ASIC2: variants seen among roughly 807,000 people sequenced by gnomAD.
The protein encoded by ASIC2 is acid-sensing ion channel 2.
Under a neutral mutation model 57.3 loss-of-function variants are expected in ASIC2, and 25 were observed. That is an observed-to-expected ratio of 0.44 (90% CI 0.32 to 0.61). ASIC2 has a LOEUF of 0.61. ASIC2 is among the 20% of genes least tolerant of loss of function. The pLI, the probability that ASIC2 is intolerant of heterozygous loss-of-function variation, is 0.06. For synonymous variants in ASIC2, 319 were observed against 307.5 expected (o/e 1.04, Z -0.39); for missense variants, 641 against 738.1 (o/e 0.87, Z 1.52).
chr17:33,274,434 G>C (rs1198604739), intron 1 of ASIC2, among the ~76,000 whole-genome samples: 1 of 152,196 alleles, frequency 6.6e-6, no homozygotes, highest in Non-Finnish European at 1.5e-5. Flanking sequence ...ACATTCACTG[G>C]TAAGAGGAAA....
intron 1 of ASIC2, among the ~76,000 whole-genome samples, chr17:34,009,372 G>A (rs1393204014): frequency 6.6e-6 from 1 of 152,172 alleles, no homozygotes; most frequent in Non-Finnish European, 1.5e-5. Context: ...CGCCTGCAGT[G>A]TGGCAGGTCT....
chr17:33,839,455 G>T (rs995498054), intron 1 of ASIC2, among the ~76,000 whole-genome samples: 1 of 152,152 alleles, frequency 6.6e-6, no homozygotes, highest in African/African-American at 2.4e-5. Flanking sequence ...CACCCATTGT[G>T]GCAGTCATTT....
chr17:33,450,264 T>C (rs12450545), intron 1 of ASIC2, among the ~76,000 whole-genome samples: 29,555 of 152,156 alleles, frequency 0.19, 2,959 homozygotes, highest in East Asian at 0.25. Context: ...ACCATTGTTG[T>C]AAAATGGTAG....
intron 1 of ASIC2, among the ~76,000 whole-genome samples, chr17:34,062,641 GAA>G (rs920230228): frequency 1.3e-5 from 2 of 152,010 alleles, no homozygotes; most frequent in Non-Finnish European, 2.9e-5. Flanking sequence ...ACCAAGAAAA[GAA>G]TAGAGTAAAT....
chr17:34,043,540 CA>C (rs1206603051), intron 1 of ASIC2, among the ~76,000 whole-genome samples: 1 of 152,112 alleles, frequency 6.6e-6, no homozygotes, highest in Non-Finnish European at 1.5e-5. Flanking sequence ...TAAAACCTTC[CA>C]TTTGTTTAGT....
chr17:33,719,515 C>A (rs2142082432), intron 1 of ASIC2, among the ~76,000 whole-genome samples: 1 of 152,340 alleles, frequency 6.6e-6, no homozygotes, highest in African/African-American at 2.4e-5. Flanking sequence ...TCTTAATATA[C>A]TCACTTTGTT....
At chr17:33,954,786 C>T (rs12604021) in intron 1 of ASIC2, among the ~76,000 whole-genome samples, 106,814 of 152,088 alleles carry the variant, frequency 0.7, 37,518 homozygotes, top group African/African-American at 0.71. Context: ...CTTTCTTTCA[C>T]ACAACATTCA....
At chr17:33,437,025 C>G (rs1324277160) in intron 1 of ASIC2, among the ~76,000 whole-genome samples, 1 of 150,228 alleles carries the variant, frequency 6.7e-6, no homozygotes, top group Non-Finnish European at 1.5e-5. Context: ...GCTACCACGC[C>G]CGGCTAATTT....
chr17:33,539,526 A>G (rs1915339861), intron 1 of ASIC2, among the ~76,000 whole-genome samples: 1 of 152,268 alleles, frequency 6.6e-6, no homozygotes, highest in Non-Finnish European at 1.5e-5. Context: ...CCTGTTTGCC[A>G]GGGAAACATG....
intron 1 of ASIC2, among the ~76,000 whole-genome samples, chr17:33,661,687 G>GA (rs1431238827): frequency 1.3e-5 from 2 of 152,240 alleles, no homozygotes; most frequent in Non-Finnish European, 2.9e-5. Context: ...GAAATAGTTT[G>GA]AAGGCTGGGA....
intron 1 of ASIC2, among the ~76,000 whole-genome samples, chr17:33,706,198 A>G (rs1053488983): frequency 2.8e-5 from 3 of 108,396 alleles, no homozygotes; most frequent in African/African-American, 1.2e-4. Context: ...CTATACATAT[A>G]TGATTCATAT....
intron 1 of ASIC2, among the ~76,000 whole-genome samples, chr17:33,949,232 G>A (rs185822755): frequency 1.2e-4 from 18 of 152,254 alleles, no homozygotes; most frequent in African/African-American, 3.6e-4. Flanking sequence ...AAGTGATTGT[G>A]CCATGTCTTT....
chr17:33,505,781 AC>A (rs1482632729), intron 1 of ASIC2, among the ~76,000 whole-genome samples: 1 of 152,130 alleles, frequency 6.6e-6, no homozygotes, highest in Non-Finnish European at 1.5e-5. Flanking sequence ...TGAACTCTCA[AC>A]CTTGCTATCC....
chr17:34,097,972 GA>G (rs1192999202), intron 1 of ASIC2, among the ~76,000 whole-genome samples: 1 of 152,094 alleles, frequency 6.6e-6, no homozygotes, highest in Admixed American at 6.5e-5. Flanking sequence ...GGATACATAG[GA>G]AATAGAAGTT....
chr17:33,191,097 G>T (rs1308510061), intron 1 of ASIC2, among the ~76,000 whole-genome samples: 1 of 152,086 alleles, frequency 6.6e-6, no homozygotes, highest in Non-Finnish European at 1.5e-5. Flanking sequence ...CAGCCTAAAA[G>T]ATTTTTTTAA....
At chr17:33,647,761 C>G (rs903302402) in intron 1 of ASIC2, among the ~76,000 whole-genome samples, 2 of 152,224 alleles carry the variant, frequency 1.3e-5, no homozygotes, top group African/African-American at 4.8e-5. Flanking sequence ...ATTGATCTAT[C>G]TACTTAATGG....
intron 1 of ASIC2, among the ~76,000 whole-genome samples, chr17:34,121,633 A>G (rs1242598167): frequency 2.6e-5 from 4 of 151,834 alleles, no homozygotes; most frequent in Admixed American, 1.3e-4. Context: ...AAGACCTTGA[A>G]ATGTCACAAC....
chr17:33,020,718 C>T (rs1009134620), intron 7 of ASIC2, among the ~76,000 whole-genome samples: 1 of 152,078 alleles, frequency 6.6e-6, no homozygotes, highest in Non-Finnish European at 1.5e-5. Flanking sequence ...GACTCTCAGT[C>T]CAGGGGGCAA....
At chr17:33,699,080 G>T (rs1026105161) in intron 1 of ASIC2, among the ~76,000 whole-genome samples, 1 of 152,148 alleles carries the variant, frequency 6.6e-6, no homozygotes, top group Non-Finnish European at 1.5e-5. Flanking sequence ...ATGTATTCCT[G>T]GTAGAGAAGG....
Sources: gnomAD v4.1 joint callset for allele counts (sites outside exome capture counted in the v4.1 genomes callset) on GRCh38, gnomAD v4.1.1 for gene constraint, MANE v1.5 for transcripts, NCBI Gene and HGNC (gene_info 2026-07-23, HGNC 2026-07-21) for gene names.